The following AEBP2 variants were observed in gnomAD, a reference collection of about 807,000 sequenced individuals.
AEBP2 encodes AE binding protein 2, also known as zinc finger protein AEBP2.
In AEBP2, 10 loss-of-function variants were observed where a neutral mutation model predicts 50.8. The ratio of observed to expected loss-of-function variants is 0.20; its 90% CI spans 0.12 to 0.33. The LOEUF is 0.33. Ranked by LOEUF, AEBP2 falls within the 10% of genes least tolerant of loss-of-function variation. AEBP2 has a pLI of 1.00. For synonymous variants in AEBP2, 296 were observed against 261.3 expected (o/e 1.13, Z -1.28); for missense variants, 570 against 688.0 (o/e 0.83, Z 1.92).
intron 4 of AEBP2, among the ~76,000 whole-genome samples, chr12:19,498,196 A>G (rs1028035499): frequency 3.9e-5 from 6 of 152,226 alleles, no homozygotes; most frequent in African/African-American, 1.4e-4. Flanking sequence ...TTCTTAGGAA[A>G]AAGCATATAT....
At chr12:19,503,468 C>G (rs566522103) in intron 5 of AEBP2, among the ~76,000 whole-genome samples, 1 of 152,114 alleles carries the variant, frequency 6.6e-6, no homozygotes, top group East Asian at 1.9e-4. Context: ...TATCCTGAGA[C>G]TTTGCTAAAG....
chr12:19,491,089 G>A (rs1948889839), intron 3 of AEBP2, among the ~76,000 whole-genome samples: 3 of 152,164 alleles, frequency 2.0e-5, no homozygotes, highest in Admixed American at 6.5e-5. Flanking sequence ...GTGGTTCGTA[G>A]GTTTGCAGTG....
At chr12:19,404,930 CT>C (rs34351225) in intron 1 of AEBP2, among the ~76,000 whole-genome samples, 113 of 95,702 alleles carry the variant, frequency 1.2e-3, no homozygotes, top group South Asian at 2.2e-3. Context: ...CTTGGCTACT[CT>C]TTTTTTTTTT....
intron 5 of AEBP2, among the ~76,000 whole-genome samples, chr12:19,501,811 T>TTTTTTTG: frequency 6.9e-6 from 1 of 145,884 alleles, no homozygotes; most frequent in Admixed American, 6.9e-5. Flanking sequence ...TTTTTTTTTT[T>TTTTTTTG]TTTTTTGCAT....
At chr12:19,457,388 C>T (rs1948287941) in intron 1 of AEBP2, 5 of 1,436,418 alleles carry the variant, frequency 3.5e-6, no homozygotes, top group Middle Eastern at 4.3e-4. Flanking sequence ...CAATGATAGT[C>T]ACGTAGCACT....
rs1947914695 is a variant in AEBP2 at position 19,439,901 on chromosome 12, G to A, written c.202G>A (p.Gly68Arg). The A allele has an allele frequency of 2.0e-6, 3 of 1,486,472 alleles. No homozygotes were observed. The African/African-American group carries it at 4.4e-5, about 22-fold the overall frequency. 92.1% of individuals were successfully genotyped at this position (1,486,472 alleles called of 1,614,324 possible). The change falls in exon 1 of 8, where the codon GGA becomes AGA. Residue 68 changes from glycine (G) to arginine (R), a missense_variant. This residue lies in a region of AEBP2 where 386 missense variants were observed against 336.8 expected (regional missense o/e 1.15). Coordinates refer to ENST00000266508, the MANE Select transcript of AEBP2 (RefSeq NM_153207.5). ...GAACGGCGGCAGCGGTGGGGGCGGCGGAGGCGGCGGCGGAGGAGTGGGGGG... is the reference window on the plus strand; with the variant it reads ...GAACGGCGGCAGCGGTGGGGGCGGCAGAGGCGGCGGCGGAGGAGTGGGGGG... ...LLNGGSGGGG[G>R]GGGGGVGGGE...
chr12:19,505,806 C>T (rs1252284927), intron 5 of AEBP2, among the ~76,000 whole-genome samples: 1 of 152,092 alleles, frequency 6.6e-6, no homozygotes, highest in African/African-American at 2.4e-5. Context: ...GTCAGAGTTT[C>T]ACTGTGTCAC....
intron 6 of AEBP2, 127 bp from the exon 7 acceptor site, chr12:19,514,544 T>G (rs1949290848): frequency 3.3e-6 from 2 of 613,140 alleles, no homozygotes; most frequent in Middle Eastern, 3.9e-4. Flanking sequence ...TTCCCTGGCT[T>G]CTGGGAAACT....
At chr12:19,472,492 T>G (rs542453049) in intron 2 of AEBP2, among the ~76,000 whole-genome samples, 4 of 152,190 alleles carry the variant, frequency 2.6e-5, no homozygotes, top group Admixed American at 2.6e-4. Context: ...CTAGTTATAC[T>G]TAGTACCCTG....
Position 19,439,800 on chromosome 12 carries a change from A to C in AEBP2, c.101A>C (p.Glu34Ala). 2.0e-6 allele frequency: 3 copies of C among 1,511,458 alleles called. No individual in the cohort carries two copies. Among genetic ancestry groups the C allele is most frequent in the Non-Finnish European group, 1.8e-6 (2 of 1,137,252 alleles). The allele number at this position is 1,511,458 out of a possible 1,614,324, so 93.6% of individuals were successfully genotyped here. ...SPGSAARGRA[E>A]PPEEEEEEEE... ...GGTTCGGCGGCGCGGGGCCGGGCTG[A>C]GCCCCCCGAGGAGGAGGAGGAAGAG... is the stretch of plus-strand genomic sequence containing the variant. The change falls in exon 1 of 8, where the codon GAG becomes GCG. Residue 34 changes from glutamate (E) to alanine (A), a missense_variant. By Grantham distance (107) the Glu-to-Ala change is moderately radical. Coordinates refer to ENST00000266508, the MANE Select transcript of AEBP2 (RefSeq NM_153207.5).
chr12:19,499,885 C>G (rs1315248082), intron 4 of AEBP2, among the ~76,000 whole-genome samples: 1 of 152,148 alleles, frequency 6.6e-6, no homozygotes, highest in Non-Finnish European at 1.5e-5. Flanking sequence ...ACTTAACTCA[C>G]CAAGGGTCAG....
chr12:19,412,819 G>GT (rs1555178756), intron 1 of AEBP2, among the ~76,000 whole-genome samples: 3 of 152,150 alleles, frequency 2.0e-5, no homozygotes, highest in African/African-American at 7.2e-5. Context: ...CAAAGTGAAA[G>GT]CAAGTTTATT....
chr12:19,451,444 G>A (rs988038407), intron 1 of AEBP2, among the ~76,000 whole-genome samples: 5 of 152,082 alleles, frequency 3.3e-5, no homozygotes, highest in African/African-American at 1.2e-4. Flanking sequence ...TCCACTTTGC[G>A]GCTTCAAGGG....
At chr12:19,498,744 T>A (rs1565732353) in intron 4 of AEBP2, among the ~76,000 whole-genome samples, 1 of 152,166 alleles carries the variant, frequency 6.6e-6, no homozygotes, top group Non-Finnish European at 1.5e-5. Context: ...TTATAATTAG[T>A]GGGATGAAAA....
chr12:19,500,235 T>C lies in AEBP2; in HGVS notation c.1299+14T>C. ...TTTCATAGTACTGTAAGTATTCTTT[T>C]ATTTTTTCAAATTAAATATAAAACT... is the stretch of plus-strand genomic sequence containing the variant. On this transcript the variant is annotated intron_variant, in intron 5 of 7. Transcript: ENST00000266508. The C allele has an allele frequency of 7.0e-7, 1 of 1,437,910 alleles. No homozygotes were observed. Among genetic ancestry groups the C allele is most frequent in the Non-Finnish European group, 9.2e-7 (1 of 1,088,216 alleles). 89.1% of individuals were successfully genotyped at this position (1,437,910 alleles called of 1,614,324 possible).
Position 19,439,669 on chromosome 12 carries a change from AG to A in AEBP2, c.-29del. ...TCGAGAGAGGGAGGCGGCGGTGGGG[AG>A]GAGGAGGAGGAGGAGGAGCAGGCGC... On this transcript the variant is annotated 5_prime_UTR_variant, in exon 1 of 8. Transcript: ENST00000266508. The A allele has an allele frequency of 4.1e-6, 1 of 244,598 alleles. No individual in the cohort carries two copies. The allele number at this position is 244,598 out of a possible 1,614,324, so 15.2% of individuals were successfully genotyped here.
intron 2 of AEBP2, among the ~76,000 whole-genome samples, chr12:19,471,053 C>G (rs150819782): frequency 6.8e-6 from 1 of 147,264 alleles, no homozygotes; most frequent in African/African-American, 2.4e-5. Context: ...AATTTTAAAC[C>G]AACCCCTGAT....
intron 5 of AEBP2, among the ~76,000 whole-genome samples, chr12:19,505,640 G>A (rs978816732): frequency 6.6e-6 from 1 of 152,246 alleles, no homozygotes; most frequent in African/African-American, 2.4e-5. Context: ...AACAAGGGAA[G>A]AGGAGAGAGT....
In AEBP2 at chr12:19,440,325, TGTC is replaced by T. The variant is rs1381682211; in HGVS notation, c.631_633del (p.Ser211del). 6.1e-6 allele frequency: 9 copies of T among 1,464,682 alleles called. No homozygotes were observed. Among genetic ancestry groups the T allele is most frequent in the Non-Finnish European group, 8.1e-6 (9 of 1,116,186 alleles). The allele number at this position is 1,464,682 out of a possible 1,614,324, so 90.7% of individuals were successfully genotyped here. ...GGGGGCCGGCGGGGCAGCTTGGAGATGTCGTCGGATGGGGAACCCCTGAGCCGC... is the reference window on the plus strand; with the variant it reads ...GGGGGCCGGCGGGGCAGCTTGGAGATGTCGGATGGGGAACCCCTGAGCCGC... On this transcript the variant is annotated inframe_deletion, in exon 1 of 8. Transcript: ENST00000266508.
Sources: allele counts gnomAD v4.1 joint callset (sites outside exome capture counted in the v4.1 genomes callset), GRCh38; gene constraint gnomAD v4.1.1; regional missense constraint gnomAD v4.1.1; transcripts MANE v1.5; gene names NCBI Gene and HGNC (gene_info 2026-07-23, HGNC 2026-07-21).